PLEKHG3: variants seen among roughly 807,000 people sequenced by gnomAD.
PLEKHG3 encodes pleckstrin homology domain-containing family G member 3.
PLEKHG3 carries 62 observed loss-of-function variants against 94.9 expected under a neutral mutation model. That is an observed-to-expected ratio of 0.65 (90% CI 0.53 to 0.81). The LOEUF is 0.81. Ranked by LOEUF, PLEKHG3 falls within the 30% of genes least tolerant of loss-of-function variation. The pLI, the probability that PLEKHG3 is intolerant of heterozygous loss-of-function variation, is 0.00. For missense variants in PLEKHG3, 1,461 were observed against 1,619.3 expected, an observed-to-expected ratio of 0.90 and a Z score of 1.68; for synonymous variants, 614 against 654.0, an observed-to-expected ratio of 0.94 and a Z score of 0.93.
chr14:64,711,200 C>G (rs1299612323), intron 1 of PLEKHG3, among the ~76,000 whole-genome samples: 1 of 152,060 alleles, frequency 6.6e-6, no homozygotes, highest in Non-Finnish European at 1.5e-5. Flanking sequence ...TTTTGGAGCC[C>G]GCTCTTAGCC....
At position 64,741,431 on chromosome 14, in the gene PLEKHG3, C is replaced by T. The variant is rs1233836722; in HGVS notation, c.1914C>T (p.Ser638=). 27 of 1,612,704 alleles carry T rather than the reference C, an allele frequency of 1.7e-5. No individual in the cohort carries two copies. The highest frequency in any genetic ancestry group is 2.3e-5 in the Non-Finnish European group (27 of 1,179,972). Residue 638 remains serine, a synonymous_variant, in exon 16 of 17, where the codon AGC becomes AGT. Coordinates refer to ENST00000247226, the MANE Select transcript of PLEKHG3 (RefSeq NM_001308147.2). The stretch of plus-strand genomic sequence containing the variant: ...GGAGCCCGCGGCTGGTCAGCCGGAG[C>T]AGCAGCGTGCTCAGCCTGGAGGGCA... The part of the protein sequence containing the change: ...GFGSPRLVSR[S]SSVLSLEGSE...
rs989319232 is a variant in PLEKHG3 at position 64,720,984 on chromosome 14, A to C, written c.-39-6609A>C. The stretch of plus-strand genomic sequence containing the variant: ...CTCCTGCCGGATTCCTCTTACGAGG[A>C]GCCTTATGATCACATCAGGCCCACC... On this transcript the variant is annotated intron_variant, in intron 1 of 16. Transcript: ENST00000247226. The surrounding 1 kb of genome is among the most constrained non-coding windows in gnomAD (Gnocchi z 4.1). 2.6e-5 allele frequency among the ~76,000 whole-genome samples: 4 copies of C among 152,142 alleles called. No homozygotes were observed. The highest frequency in any genetic ancestry group is 6.3e-3 in the Middle Eastern group (2 of 316).
chr14:64,711,711 C>G (rs562323825), intron 1 of PLEKHG3, among the ~76,000 whole-genome samples: 2 of 152,320 alleles, frequency 1.3e-5, no homozygotes, highest in East Asian at 3.9e-4. Context: ...TGCGCCCGGC[C>G]AAGAGTTCTT....
intron 1 of PLEKHG3, among the ~76,000 whole-genome samples, chr14:64,711,436 C>T (rs1380857433): frequency 2.0e-4 from 30 of 148,376 alleles, no homozygotes; most frequent in Admixed American, 1.1e-3. Flanking sequence ...TTTTTTGAGA[C>T]GGAGTCTCAC....
chr14:64,717,680 G>T lies in PLEKHG3; in HGVS notation c.-39-9913G>T, dbSNP rs1043017118. Among the ~76,000 whole-genome samples the T allele has an allele frequency of 6.6e-6, 1 of 152,170 alleles. No homozygotes were observed. The highest frequency in any genetic ancestry group is 1.5e-5 in the Non-Finnish European group (1 of 68,034). ...ATTTCTTCCCCCTTTGCAAGGGTTG[G>T]AATGGGTCTCATTCTTTCTAGCTAA... is the stretch of plus-strand genomic sequence containing the variant. On this transcript the variant is annotated intron_variant, in intron 1 of 16. Coordinates refer to ENST00000247226, the MANE Select transcript of PLEKHG3 (RefSeq NM_001308147.2). The surrounding 1 kb of genome is among the most constrained non-coding windows in gnomAD (Gnocchi z 4.7).
rs780357191 is a variant in PLEKHG3 at position 64,732,418 on chromosome 14, C to G, written c.1213-9C>G. On this transcript the variant is annotated splice_polypyrimidine_tract_variant and intron_variant, in intron 10 of 16. Transcript: ENST00000247226. The surrounding 1 kb of genome is among the most constrained non-coding windows in gnomAD (Gnocchi z 4.9). ...AGGTAATAACCAGGTGTGTTTCCTT[C>G]CCCTTCAGGCCAAGGAAGCCATCTT... 6.2e-7 allele frequency: 1 copy of G among 1,611,604 alleles called. No individual in the cohort carries two copies. The highest frequency in any genetic ancestry group is 1.3e-5 in the African/African-American group (1 of 74,868).
intron 1 of PLEKHG3, among the ~76,000 whole-genome samples, chr14:64,719,733 T>C (rs1443340535): frequency 1.3e-5 from 2 of 150,612 alleles, no homozygotes; most frequent in Non-Finnish European, 1.5e-5. Flanking sequence ...AGTAGTAAAA[T>C]GCAGCTTCCT....
rs1321721123 is a variant in PLEKHG3, at chr14:64,745,185, A to G, written c.*1482A>G. On this transcript the variant is annotated 3_prime_UTR_variant, in exon 17 of 17. Transcript: ENST00000247226. The surrounding 1 kb of genome is among the most constrained non-coding windows in gnomAD (Gnocchi z 5.0). ...GGGATGATTCCTCCCTTTTTATCAC[A>G]TTCTCAGAAGTATCTTTGATTCAGA... The G allele has an allele frequency of 6.6e-6, 1 of 152,272 alleles. No homozygotes were observed. The highest frequency in any genetic ancestry group is 2.4e-5 in the African/African-American group (1 of 41,454). 9.4% of individuals were successfully genotyped at this position (152,272 alleles called of 1,614,324 possible).
Position 64,732,947 on chromosome 14 carries a change from T to A in PLEKHG3, c.1345+46T>A. The A allele has an allele frequency of 8.1e-7, 1 of 1,229,378 alleles. No individual in the cohort carries two copies. The highest frequency in any genetic ancestry group is 1.2e-6 in the Non-Finnish European group (1 of 848,836). 76.2% of individuals were successfully genotyped at this position (1,229,378 alleles called of 1,614,324 possible). A position where few individuals can be genotyped will look rare whatever the true frequency, so the allele number is the denominator to read the frequency against. ...GCAGGAGGCCTCTCCCTCACACCCT[T>A]GCCCAGACTGGGGACCGTCTGCGGC... On this transcript the variant is annotated intron_variant, in intron 12 of 16. Coordinates refer to ENST00000247226, the MANE Select transcript of PLEKHG3 (RefSeq NM_001308147.2). The surrounding 1 kb of genome is among the most constrained non-coding windows in gnomAD (Gnocchi z 4.9).
chr14:64,735,601 G>A (rs944618783), intron 12 of PLEKHG3, among the ~76,000 whole-genome samples: 1 of 152,326 alleles, frequency 6.6e-6, no homozygotes, highest in Middle Eastern at 3.4e-3. Flanking sequence ...TGACAGATGA[G>A]ACCTTGTTGC....
chr14:64,732,054 T>C lies in PLEKHG3; in HGVS notation c.1126-41T>C. 1.4e-6 allele frequency: 2 copies of C among 1,434,188 alleles called. No homozygotes were observed. The highest frequency in any genetic ancestry group is 2.0e-6 in the Non-Finnish European group (2 of 1,015,744). 88.8% of individuals were successfully genotyped at this position (1,434,188 alleles called of 1,614,324 possible). ...TCCATGCTAGACAGCTTCAGGCCTG[T>C]AATGATAACCACTGGGTCCCTTTCC... On this transcript the variant is annotated intron_variant, in intron 9 of 16. Transcript: ENST00000247226. The surrounding 1 kb of genome is among the most constrained non-coding windows in gnomAD (Gnocchi z 4.9).
chr14:64,730,774 T>G lies in PLEKHG3; in HGVS notation c.567-25T>G. On this transcript the variant is annotated intron_variant, in intron 5 of 16. Transcript: ENST00000247226. The surrounding 1 kb of genome is among the most constrained non-coding windows in gnomAD (Gnocchi z 5.4). ...CCTCATCCAGGCCTTCCCCAGGTGG[T>G]GACTGGCCCTTCTCCCACTCCCAGC... 1 of 1,612,308 alleles carries G rather than the reference T, an allele frequency of 6.2e-7. No homozygotes were observed. Among genetic ancestry groups the G allele is most frequent in the Non-Finnish European group, 8.5e-7 (1 of 1,178,652 alleles).
Position 64,732,000 on chromosome 14 carries a change from C to T in PLEKHG3, c.1126-95C>T. ...ACCTCACAGAGGCCCCAGCATGGCC[C>T]CACTTTTTCTCCCTGGGTGGAAGCA... On this transcript the variant is annotated intron_variant, in intron 9 of 16. Transcript: ENST00000247226. This position sits in a 1 kb window ranked among gnomAD's most constrained non-coding sequence, Gnocchi z 6.1. The T allele has an allele frequency of 1.0e-6, 1 of 989,220 alleles. No individual in the cohort carries two copies. The highest frequency in any genetic ancestry group is 1.6e-6 in the Non-Finnish European group (1 of 618,692). 61.3% of individuals were successfully genotyped at this position (989,220 alleles called of 1,614,324 possible). A position where few individuals can be genotyped will look rare whatever the true frequency, so the allele number is the denominator to read the frequency against.
chr14:64,738,730 C>T lies in PLEKHG3; in HGVS notation c.1405-12C>T, dbSNP rs779258372. The T allele has an allele frequency of 1.7e-5, 26 of 1,548,626 alleles. No individual in the cohort carries two copies. Among genetic ancestry groups the T allele is most frequent in the Non-Finnish European group, 2.1e-5 (24 of 1,139,146 alleles). On this transcript the variant is annotated splice_polypyrimidine_tract_variant and intron_variant, in intron 14 of 16. Transcript: ENST00000247226. This position sits in a 1 kb window ranked among gnomAD's most constrained non-coding sequence, Gnocchi z 4.8. Reference sequence around the variant, plus strand: ...TTGTCTTGGAGTTGATGACTGACCTCTACCTCTGCAGGGAAAGGGGCGCAG... The same window carrying T: ...TTGTCTTGGAGTTGATGACTGACCTTTACCTCTGCAGGGAAAGGGGCGCAG...
intron 16 of PLEKHG3, among the ~76,000 whole-genome samples, chr14:64,742,716 G>A (rs2081730988): frequency 6.6e-6 from 1 of 152,172 alleles, no homozygotes; most frequent in Admixed American, 6.5e-5. Flanking sequence ...GAGGAAGCAT[G>A]GCCCCAGGCC....
rs965106835 is a variant in PLEKHG3, at chr14:64,745,791, C to G, written c.*2088C>G. ...TGGGGCCCAGGAAGTTGTAGTTAAC[C>G]CCTTCCCCAGGCAGTCCTTACACGG... On this transcript the variant is annotated 3_prime_UTR_variant, in exon 17 of 17. Transcript: ENST00000247226. This position sits in a 1 kb window ranked among gnomAD's most constrained non-coding sequence, Gnocchi z 5.0. 1 of 152,230 alleles carries G rather than the reference C, an allele frequency of 6.6e-6. No individual in the cohort carries two copies. Among genetic ancestry groups the G allele is most frequent in the African/African-American group, 2.4e-5 (1 of 41,438 alleles). The allele number at this position is 152,230 out of a possible 1,614,324, so 9.4% of individuals were successfully genotyped here.
rs189686956 is a variant in PLEKHG3 at position 64,727,262 on chromosome 14, A to G, written c.-39-331A>G. ...ACTGTGCTGGCAGGTGGACTTGGGC[A>G]CCCTCATCAGTGCTCATAGAGTCTG... On this transcript the variant is annotated intron_variant, in intron 1 of 16. Coordinates refer to ENST00000247226, the MANE Select transcript of PLEKHG3 (RefSeq NM_001308147.2). This position sits in a 1 kb window ranked among gnomAD's most constrained non-coding sequence, Gnocchi z 6.0. Among the ~76,000 whole-genome samples the G allele has an allele frequency of 5.2e-3, 791 of 152,186 alleles. 10 individuals are homozygous for G. The highest frequency in any genetic ancestry group is 0.018 in the African/African-American group (756 of 41,496).
Position 64,730,547 on chromosome 14 carries a change from G to A in PLEKHG3, c.520-95G>A, listed in dbSNP as rs2081437758. ...TGTAGGCATTTGGGAACAGGGGACA[G>A]AGGGTGCTCTGGGGGCCAGGGGCCT... is the stretch of plus-strand genomic sequence containing the variant. On this transcript the variant is annotated intron_variant, in intron 4 of 16. Coordinates refer to ENST00000247226, the MANE Select transcript of PLEKHG3 (RefSeq NM_001308147.2). The surrounding 1 kb of genome is among the most constrained non-coding windows in gnomAD (Gnocchi z 5.4). 9.8e-7 allele frequency: 1 copy of A among 1,019,098 alleles called. No homozygotes were observed. The highest frequency in any genetic ancestry group is 1.8e-5 in the Admixed American group (1 of 54,972). 63.1% of individuals were successfully genotyped at this position (1,019,098 alleles called of 1,614,324 possible).
At chr14:64,734,316 C>T (rs1228765116) in intron 12 of PLEKHG3, among the ~76,000 whole-genome samples, 1 of 152,086 alleles carries the variant, frequency 6.6e-6, no homozygotes, top group Non-Finnish European at 1.5e-5. Context: ...CTGTAATTCT[C>T]TTCTTGTCCT....
Sources: gnomAD v4.1 joint callset for allele counts (sites outside exome capture counted in the v4.1 genomes callset) on GRCh38, gnomAD v4.1.1 for gene constraint, Gnocchi (gnomAD v3.1) non-coding constraint, MANE v1.5 for transcripts, NCBI Gene and HGNC (gene_info 2026-07-23, HGNC 2026-07-21) for gene names.